The following SYT1 variants were observed in gnomAD, a reference collection of about 807,000 sequenced individuals.
The protein encoded by SYT1 is synaptotagmin 1.
SYT1 carries 8 observed loss-of-function variants against 44.8 expected under a neutral mutation model. The ratio of observed to expected loss-of-function variants is 0.18; its 90% CI spans 0.10 to 0.32. The LOEUF (loss-of-function observed/expected upper bound fraction) is 0.32. Among genes scored for constraint, SYT1 ranks in the 10% least tolerant of loss-of-function variants. SYT1 has a pLI of 1.00. For missense variants in SYT1, 286 were observed against 509.3 expected, an observed-to-expected ratio of 0.56 and a Z score of 4.22; for synonymous variants, 154 against 188.8, an observed-to-expected ratio of 0.82 and a Z score of 1.51.
intron 9 of SYT1, among the ~76,000 whole-genome samples, chr12:79,367,089 G>T (rs894220664): frequency 3.3e-5 from 5 of 152,106 alleles, no homozygotes; most frequent in Non-Finnish European, 7.4e-5. Context: ...TAAGAAATCA[G>T]ACCAGTAGTA....
At chr12:79,357,527 T>G (rs1471714977) in intron 9 of SYT1, among the ~76,000 whole-genome samples, 4 of 152,246 alleles carry the variant, frequency 2.6e-5, no homozygotes, top group Non-Finnish European at 5.9e-5. Flanking sequence ...GTTACCATAC[T>G]GAATACTGTA....
At chr12:79,288,871 AG>A (rs1879438140) in intron 5 of SYT1, among the ~76,000 whole-genome samples, 1 of 152,126 alleles carries the variant, frequency 6.6e-6, no homozygotes, top group African/African-American at 2.4e-5. Flanking sequence ...AGACATCCCT[AG>A]TCAACGCTCA....
chr12:79,133,613 G>A (rs1192104218), intron 3 of SYT1, among the ~76,000 whole-genome samples: 2 of 152,022 alleles, frequency 1.3e-5, no homozygotes, highest in African/African-American at 4.8e-5. Context: ...TGAGATGACA[G>A]ACCTAAACTT....
chr12:79,075,005 A>G (rs1236005460), intron 3 of SYT1, among the ~76,000 whole-genome samples: 3 of 152,154 alleles, frequency 2.0e-5, no homozygotes, highest in Non-Finnish European at 2.9e-5. Flanking sequence ...TATCATCGTA[A>G]ATACCCTGGA....
chr12:79,349,033 A>AAGAAAGAAAGAAAGAGAAAGAAAG (rs1367804411), intron 8 of SYT1, among the ~76,000 whole-genome samples: 1 of 120,212 alleles, frequency 8.3e-6, no homozygotes, highest in African/African-American at 3.3e-5. Context: ...GAAAGAAAGA[A>AAGAAAGAAAGAAAGAGAAAGAAAG]AAAGAAAGAA....
chr12:79,287,711 G>A lies in SYT1; in HGVS notation c.351+1740G>A, dbSNP rs1454748091. 3.3e-5 allele frequency among the ~76,000 whole-genome samples: 5 copies of A among 152,064 alleles called. 1 individual carries two copies. The highest frequency in any genetic ancestry group is 1.2e-4 in the African/African-American group (5 of 41,422). ...CTATAATATTTGTGGGATTTGTTCT[G>A]TATGATGTAAAATTATAATTTACAG... On this transcript the variant is annotated intron_variant, in intron 5 of 10. Coordinates refer to ENST00000261205, the MANE Select transcript of SYT1 (RefSeq NM_005639.3).
At chr12:79,421,400 C>T (rs777126228) in intron 9 of SYT1, among the ~76,000 whole-genome samples, 15 of 152,090 alleles carry the variant, frequency 9.9e-5, no homozygotes, top group Admixed American at 2.6e-4. Context: ...GTCTGTGCTT[C>T]TGAACTGTTT....
At chr12:79,100,528 G>C (rs914949753) in intron 3 of SYT1, among the ~76,000 whole-genome samples, 1 of 151,924 alleles carries the variant, frequency 6.6e-6, no homozygotes, top group Non-Finnish European at 1.5e-5. Context: ...AAACAATATA[G>C]ACACAACTGT....
At chr12:79,115,646 T>G (rs951524651) in intron 3 of SYT1, among the ~76,000 whole-genome samples, 3 of 152,224 alleles carry the variant, frequency 2.0e-5, no homozygotes, top group African/African-American at 7.2e-5. Context: ...TCTTGTTCTT[T>G]CCACAGAAAC....
intron 9 of SYT1, among the ~76,000 whole-genome samples, chr12:79,371,011 T>C (rs976849536): frequency 6.6e-6 from 1 of 152,148 alleles, no homozygotes; most frequent in Non-Finnish European, 1.5e-5. Flanking sequence ...CTTAAGATAA[T>C]ACGAATGAAA....
intron 2 of SYT1, among the ~76,000 whole-genome samples, chr12:79,005,776 G>C (rs182960555): frequency 6.6e-6 from 1 of 152,124 alleles, no homozygotes; most frequent in African/African-American, 2.4e-5. Context: ...AGTTCCAAAA[G>C]CTTTCACTGA....
chr12:79,232,516 C>G (rs1041798001), intron 4 of SYT1, among the ~76,000 whole-genome samples: 1 of 152,160 alleles, frequency 6.6e-6, no homozygotes, highest in African/African-American at 2.4e-5. Context: ...AAATTCCTTA[C>G]TTGCCATAGC....
At chr12:78,917,163 T>C (rs1364502417) in intron 1 of SYT1, among the ~76,000 whole-genome samples, 1 of 152,030 alleles carries the variant, frequency 6.6e-6, no homozygotes, top group Admixed American at 6.6e-5. Flanking sequence ...TGTTTTCTTA[T>C]ATTTCCACCA....
intron 2 of SYT1, among the ~76,000 whole-genome samples, chr12:79,006,912 A>G (rs1342362564): frequency 6.6e-6 from 1 of 152,166 alleles, no homozygotes; most frequent in Non-Finnish European, 1.5e-5. Context: ...TGGTTGATAT[A>G]TAGCTCCTGA....
At chr12:79,357,287 G>T (rs974442347) in intron 9 of SYT1, among the ~76,000 whole-genome samples, 1 of 152,148 alleles carries the variant, frequency 6.6e-6, no homozygotes, top group African/African-American at 2.4e-5. Context: ...CCTTGCATTT[G>T]CATTCTTAAT....
intron 9 of SYT1, among the ~76,000 whole-genome samples, chr12:79,421,574 T>C (rs574392582): frequency 2.0e-5 from 3 of 152,292 alleles, no homozygotes; most frequent in Non-Finnish European, 2.9e-5. Flanking sequence ...TGAAATTCTT[T>C]CATGATAGAA....
intron 9 of SYT1, among the ~76,000 whole-genome samples, chr12:79,407,764 T>C (rs999055880): frequency 6.6e-6 from 1 of 152,066 alleles, no homozygotes; most frequent in Non-Finnish European, 1.5e-5. Context: ...GCAACTCTCT[T>C]ACGCACAGTC....
At chr12:79,194,918 C>T (rs1386125676) in intron 3 of SYT1, among the ~76,000 whole-genome samples, 2 of 152,248 alleles carry the variant, frequency 1.3e-5, no homozygotes, top group East Asian at 1.9e-4. Flanking sequence ...ATCCTGCCTG[C>T]GTAGACTTAA....
intron 3 of SYT1, among the ~76,000 whole-genome samples, chr12:79,193,367 C>A (rs549245557): frequency 6.6e-6 from 1 of 151,954 alleles, no homozygotes; most frequent in Non-Finnish European, 1.5e-5. Context: ...AGAACTTAAA[C>A]CATTACAAGG....
Sources: gnomAD v4.1 joint callset for allele counts (sites outside exome capture counted in the v4.1 genomes callset) on GRCh38, gnomAD v4.1.1 for gene constraint, MANE v1.5 for transcripts, NCBI Gene and HGNC (gene_info 2026-07-23, HGNC 2026-07-21) for gene names.